Variants in CSMD1 observed in about 807,000 individuals in gnomAD.
CSMD1 encodes the protein CUB and sushi domain-containing protein 1.
A neutral mutation model predicts 417.5 loss-of-function variants in CSMD1; 213 were observed. The ratio of observed to expected loss-of-function variants is 0.51; its 90% CI spans 0.46 to 0.57. The LOEUF (loss-of-function observed/expected upper bound fraction) is 0.57. Ranked by LOEUF, CSMD1 falls within the 20% of genes least tolerant of loss-of-function variation. The probability of loss-of-function intolerance (pLI) is 0.00; values close to 1 mark genes in which losing one functional copy is unlikely to be tolerated. For synonymous variants in CSMD1, 2,862 were observed against 1,736.8 expected, an observed-to-expected ratio of 1.65 and a Z score of -16.11; for missense variants, 6,923 against 4,529.7, an observed-to-expected ratio of 1.53 and a Z score of -15.17.
intron 2 of CSMD1, among the ~76,000 whole-genome samples, chr8:4,448,073 T>C (rs1798921255): frequency 6.6e-6 from 1 of 152,202 alleles, no homozygotes; most frequent in African/African-American, 2.4e-5. Context: ...AGCTTAGCTG[T>C]CCAGTGGAAA....
chr8:3,292,840 T>C (rs887335864), intron 25 of CSMD1, among the ~76,000 whole-genome samples: 1 of 152,098 alleles, frequency 6.6e-6, no homozygotes, highest in Non-Finnish European at 1.5e-5. Flanking sequence ...AAGGTTAATA[T>C]TGTTATGTGT....
At chr8:4,091,244 G>C (rs115693323) in intron 3 of CSMD1, among the ~76,000 whole-genome samples, 1 of 152,002 alleles carries the variant, frequency 6.6e-6, no homozygotes, top group Non-Finnish European at 1.5e-5. Flanking sequence ...GGTGAATAAT[G>C]AGGATGCAAA....
At chr8:4,658,358 A>C (rs189203855) in intron 1 of CSMD1, among the ~76,000 whole-genome samples, 1 of 152,126 alleles carries the variant, frequency 6.6e-6, no homozygotes, top group South Asian at 2.1e-4. Flanking sequence ...GCAAGACAGA[A>C]GTAACTTATT....
intron 25 of CSMD1, among the ~76,000 whole-genome samples, chr8:3,298,963 G>C (rs991061018): frequency 5.3e-5 from 8 of 152,082 alleles, no homozygotes; most frequent in Non-Finnish European, 7.4e-5. Context: ...CTAATGAGAA[G>C]CTTACACAGA....
intron 4 of CSMD1, among the ~76,000 whole-genome samples, chr8:4,008,773 G>A (rs1437041805): frequency 1.3e-5 from 2 of 151,870 alleles, no homozygotes; most frequent in Non-Finnish European, 1.5e-5. Context: ...ACCACGCCTG[G>A]CTAATTTTTT....
intron 2 of CSMD1, among the ~76,000 whole-genome samples, chr8:4,586,606 A>C (rs925377948): frequency 1.3e-5 from 2 of 152,086 alleles, no homozygotes; most frequent in African/African-American, 4.8e-5. Context: ...GGACTTTTGG[A>C]TAAACACTGT....
chr8:4,616,062 A>G (rs970987660), intron 2 of CSMD1, among the ~76,000 whole-genome samples: 3 of 152,176 alleles, frequency 2.0e-5, no homozygotes, highest in African/African-American at 7.2e-5. Context: ...AATAGTCTGG[A>G]GTGTTCTTAT....
chr8:3,965,833 G>A lies in CSMD1; in HGVS notation c.818+32070C>T, dbSNP rs770655626. 5.9e-5 allele frequency among the ~76,000 whole-genome samples: 9 copies of A among 152,158 alleles called. No homozygotes were observed. The South Asian group carries it at 6.2e-4, about 11-fold the overall frequency. On this transcript the variant is annotated intron_variant, in intron 5 of 69. Coordinates refer to ENST00000635120, the MANE Select transcript of CSMD1 (RefSeq NM_033225.6). ...GGGGTTTCACCATGTTGGCCAGGCC[G>A]GTCTTGAACTCTTGACCTCATACTG...
chr8:4,405,116 C>A (rs945871486), intron 3 of CSMD1, among the ~76,000 whole-genome samples: 1 of 152,282 alleles, frequency 6.6e-6, no homozygotes, highest in East Asian at 1.9e-4. Context: ...CAGACTATTG[C>A]CTTAGCATTG....
At chr8:3,230,749 A>T (rs1798789224) in intron 26 of CSMD1, among the ~76,000 whole-genome samples, 1 of 152,194 alleles carries the variant, frequency 6.6e-6, no homozygotes, top group Non-Finnish European at 1.5e-5. Flanking sequence ...CCCATAGGTG[A>T]CATTGCCACG....
chr8:3,971,333 T>C (rs957621595), intron 5 of CSMD1, among the ~76,000 whole-genome samples: 1 of 152,166 alleles, frequency 6.6e-6, no homozygotes, highest in Non-Finnish European at 1.5e-5. Context: ...CAGCTGCCGG[T>C]TCACATGTGT....
intron 1 of CSMD1, among the ~76,000 whole-genome samples, chr8:4,842,164 A>G (rs1252728307): frequency 1.3e-5 from 2 of 152,224 alleles, no homozygotes; most frequent in African/African-American, 4.8e-5. Flanking sequence ...TATTGAAAAC[A>G]TAAGCCAGAC....
intron 5 of CSMD1, among the ~76,000 whole-genome samples, chr8:3,763,930 C>G (rs1480829212): frequency 6.6e-6 from 1 of 152,136 alleles, no homozygotes; most frequent in Admixed American, 6.6e-5. Context: ...CTATGGGAAT[C>G]AAAAGATCCC....
At chr8:4,816,938 G>T (rs899049956) in intron 1 of CSMD1, among the ~76,000 whole-genome samples, 5 of 152,118 alleles carry the variant, frequency 3.3e-5, no homozygotes, top group African/African-American at 1.2e-4. Flanking sequence ...GCCAGAAAGG[G>T]AATTGCATTG....
intron 7 of CSMD1, among the ~76,000 whole-genome samples, chr8:3,655,659 G>GTTT (rs11293138): frequency 3.6e-5 from 5 of 139,586 alleles, no homozygotes; most frequent in East Asian, 4.4e-4. Flanking sequence ...TGGAGGTTGC[G>GTTT]TTTTTTTTTT....
chr8:3,667,202 T>A (rs975698911), intron 7 of CSMD1, among the ~76,000 whole-genome samples: 1 of 152,160 alleles, frequency 6.6e-6, no homozygotes, highest in Non-Finnish European at 1.5e-5. Flanking sequence ...CAAACATTTA[T>A]AAACATTTAC....
chr8:4,007,570 G>C (rs142863871), intron 4 of CSMD1, among the ~76,000 whole-genome samples: 6 of 152,116 alleles, frequency 3.9e-5, no homozygotes, highest in African/African-American at 1.4e-4. Context: ...CTTACCTCTC[G>C]GTGCGTGCTG....
chr8:4,308,278 G>C (rs1345582740), intron 3 of CSMD1, among the ~76,000 whole-genome samples: 1 of 151,990 alleles, frequency 6.6e-6, no homozygotes, highest in African/African-American at 2.4e-5. Flanking sequence ...GTTGTGTATA[G>C]TTGATGGTGT....
At chr8:4,106,319 A>G (rs894826237) in intron 3 of CSMD1, among the ~76,000 whole-genome samples, 1 of 152,214 alleles carries the variant, frequency 6.6e-6, no homozygotes, top group Non-Finnish European at 1.5e-5. Context: ...CTCAAATTCT[A>G]AAAGGAAGTA....
Sources: gnomAD v4.1 joint callset for allele counts (sites outside exome capture counted in the v4.1 genomes callset) on GRCh38, gnomAD v4.1.1 for gene constraint, MANE v1.5 for transcripts, NCBI Gene and HGNC (gene_info 2026-07-23, HGNC 2026-07-21) for gene names.